DSTN: variants seen among roughly 807,000 people sequenced by gnomAD.
DSTN encodes the protein destrin, actin depolymerizing factor, also known as destrin.
DSTN carries 10 observed loss-of-function variants against 16.8 expected under a neutral mutation model. That is an observed-to-expected ratio of 0.60 (90% CI 0.37 to 1.01). The LOEUF (loss-of-function observed/expected upper bound fraction) is 1.01, where lower values mean the gene tolerates loss of function less well. Ranked by LOEUF, DSTN falls within the 50% of genes least tolerant of loss-of-function variation. DSTN has a pLI of 0.01. For missense variants in DSTN, 141 were observed against 196.7 expected, an observed-to-expected ratio of 0.72 and a Z score of 1.69; for synonymous variants, 57 against 58.9, an observed-to-expected ratio of 0.97 and a Z score of 0.14.
chr20:17,580,550 C>G (rs1056244114), intron 1 of DSTN, among the ~76,000 whole-genome samples: 2 of 152,034 alleles, frequency 1.3e-5, no homozygotes, highest in African/African-American at 4.8e-5. Flanking sequence ...AGTTTGAGAC[C>G]AGCCTGGCCA....
At chr20:17,601,119 A>G in intron 2 of DSTN, 74 bp downstream of exon 2, 1 of 1,473,792 alleles carries the variant, frequency 6.8e-7, no homozygotes, top group South Asian at 1.5e-5. Context: ...TTCCAGCACC[A>G]AAGTAATTTT....
At chr20:17,590,210 C>G (rs2035454970) in intron 1 of DSTN, among the ~76,000 whole-genome samples, 1 of 152,148 alleles carries the variant, frequency 6.6e-6, no homozygotes, top group African/African-American at 2.4e-5. Flanking sequence ...TGTGTTCTGT[C>G]CTTTGCAACT....
intron 1 of DSTN, among the ~76,000 whole-genome samples, chr20:17,594,832 A>T (rs1015787353): frequency 3.9e-5 from 6 of 152,206 alleles, no homozygotes; most frequent in Admixed American, 6.5e-5. Context: ...GTTGCTAAGA[A>T]CATCTCTTAG....
chr20:17,601,391 T>G (rs1319339641), intron 2 of DSTN, among the ~76,000 whole-genome samples: 1 of 151,816 alleles, frequency 6.6e-6, no homozygotes, highest in Non-Finnish European at 1.5e-5. Context: ...CAACGAGCCA[T>G]GCCAGGAACC....
chr20:17,587,620 C>T (rs954814741), intron 1 of DSTN, among the ~76,000 whole-genome samples: 1 of 152,040 alleles, frequency 6.6e-6, no homozygotes, highest in African/African-American at 2.4e-5. Flanking sequence ...AGTCTTTACC[C>T]TTGGAGGCAT....
intron 1 of DSTN, among the ~76,000 whole-genome samples, chr20:17,584,375 CA>C (rs1326576813): frequency 6.6e-6 from 1 of 152,114 alleles, no homozygotes; most frequent in African/African-American, 2.4e-5. Flanking sequence ...ACCTGCAGGG[CA>C]CAGTGGCTCA....
intron 2 of DSTN, among the ~76,000 whole-genome samples, chr20:17,603,195 C>T (rs983493451): frequency 1.3e-5 from 2 of 152,082 alleles, no homozygotes; most frequent in Non-Finnish European, 2.9e-5. Flanking sequence ...AAGGGGTACA[C>T]TAGGTGAGGT....
intron 1 of DSTN, among the ~76,000 whole-genome samples, chr20:17,584,714 A>C (rs774637786): frequency 1.3e-5 from 2 of 151,798 alleles, no homozygotes; most frequent in Non-Finnish European, 2.9e-5. Context: ...TAGAGAGAAG[A>C]TAAAAATCAG....
intron 1 of DSTN, among the ~76,000 whole-genome samples, chr20:17,571,341 TA>T (rs1047651417): frequency 6.6e-6 from 1 of 152,232 alleles, no homozygotes; most frequent in Admixed American, 6.5e-5. Flanking sequence ...TTTCACTGTA[TA>T]ACAGTTTTGG....
At chr20:17,574,865 C>CTTTTCTTTTTTTTTTTTTTTTTTTTTTTT (rs1354147534) in intron 1 of DSTN, among the ~76,000 whole-genome samples, 11 of 64,250 alleles carry the variant, frequency 1.7e-4, no homozygotes, top group African/African-American at 6.0e-4. Flanking sequence ...CTTTTCTTTT[C>CTTTTCTTTTTTTTTTTTTTTTTTTTTTTT]TTTTGTTTTT....
At position 17,601,044 on chromosome 20, in the gene DSTN, TGGTAA is replaced by T. The variant is rs760684521; in HGVS notation, c.311+1_311+5del. 6.3e-7 allele frequency: 1 copy of T among 1,588,534 alleles called. No individual in the cohort carries two copies. The highest frequency in any genetic ancestry group is 1.8e-5 in the Admixed American group (1 of 56,200). On this transcript the variant is annotated splice_donor_variant and splice_donor_region_variant and coding_sequence_variant and intron_variant, in exon 2 of 4. Transcript: ENST00000246069. LOFTEE classifies it high-confidence loss of function. Reference sequence around the variant, plus strand: ...AAAAGAAGAGTTGATGTTTTTTTTGTGGTAAGCATGTTAGAAATATTGAGCCTCTG... The same window carrying T: ...AAAAGAAGAGTTGATGTTTTTTTTGTGCATGTTAGAAATATTGAGCCTCTG...
At chr20:17,583,597 G>A (rs1211935449) in intron 1 of DSTN, among the ~76,000 whole-genome samples, 2 of 132,506 alleles carry the variant, frequency 1.5e-5, no homozygotes, top group Non-Finnish European at 3.1e-5. Flanking sequence ...CCCAAAAGAT[G>A]ACATATTGTG....
chr20:17,576,886 T>C (rs1035524733), intron 1 of DSTN, among the ~76,000 whole-genome samples: 3 of 152,348 alleles, frequency 2.0e-5, no homozygotes, highest in African/African-American at 7.2e-5. Context: ...TTAAAATGGT[T>C]TCACAACTTT....
intron 1 of DSTN, chr20:17,576,127 A>T (rs1351488383): frequency 6.6e-6 from 1 of 152,222 alleles, no homozygotes. Context: ...TGTTATATTC[A>T]TCATTGAATC....
intron 1 of DSTN, among the ~76,000 whole-genome samples, chr20:17,596,174 C>A (rs1157748652): frequency 6.6e-6 from 1 of 152,148 alleles, no homozygotes; most frequent in African/African-American, 2.4e-5. Flanking sequence ...TTTCTTCCTT[C>A]TTTTTCTTCT....
chr20:17,600,120 A>G (rs2035570612), intron 1 of DSTN, among the ~76,000 whole-genome samples: 1 of 152,128 alleles, frequency 6.6e-6, no homozygotes, highest in African/African-American at 2.4e-5. Context: ...TAATTAAGCT[A>G]CCCTCTTTAT....
At position 17,606,982 on chromosome 20, in the gene DSTN, A is replaced by AT. The variant is rs1379863539; in HGVS notation, c.389-55_389-54insT. 1.9e-6 allele frequency: 3 copies of AT among 1,575,008 alleles called. No individual in the cohort carries two copies. In the African/African-American group the frequency reaches 4.1e-5, roughly 21 times the overall value. On this transcript the variant is annotated intron_variant, in intron 3 of 3. Transcript: ENST00000246069. ...TTTTAAAAGTTTGGTTATCTTAGAGAAAGAGGTAAACTGCTGCCATAATTG... is the reference window on the plus strand; with the variant it reads ...TTTTAAAAGTTTGGTTATCTTAGAGATAAGAGGTAAACTGCTGCCATAATTG...
chr20:17,571,543 AATT>A (rs1323153852), intron 1 of DSTN, among the ~76,000 whole-genome samples: 1 of 152,192 alleles, frequency 6.6e-6, no homozygotes, highest in African/African-American at 2.4e-5. Context: ...TTTAATATCT[AATT>A]ATTAGAAATT....
chr20:17,604,693 C>T, intron 3 of DSTN, 62 bp downstream of exon 3: 4 of 1,498,204 alleles, frequency 2.7e-6, no homozygotes, highest in South Asian at 1.2e-5. Context: ...TGGGGCAGCA[C>T]CTTTTCTGAG....
Sources: allele counts gnomAD v4.1 joint callset (sites outside exome capture counted in the v4.1 genomes callset), GRCh38; gene constraint gnomAD v4.1.1; transcripts MANE v1.5; gene names NCBI Gene and HGNC (gene_info 2026-07-23, HGNC 2026-07-21).